The following SDHB variants were observed in gnomAD, a reference collection of about 807,000 sequenced individuals.
SDHB encodes the protein succinate dehydrogenase [ubiquinone] iron-sulfur subunit, mitochondrial.
A neutral mutation model predicts 39.7 loss-of-function variants in SDHB; 21 were observed. The ratio of observed to expected loss-of-function variants is 0.53; its 90% CI spans 0.37 to 0.76. The LOEUF is 0.76. Ranked by LOEUF, SDHB falls within the 30% of genes least tolerant of loss-of-function variation. The pLI is 0.00. For synonymous variants in SDHB, 118 were observed against 117.0 expected, an observed-to-expected ratio of 1.01 and a Z score of -0.06; for missense variants, 343 against 350.9, an observed-to-expected ratio of 0.98 and a Z score of 0.18.
intron 1 of SDHB, among the ~76,000 whole-genome samples, chr1:17,053,704 C>T (rs918825968): frequency 2.6e-5 from 4 of 151,822 alleles, no homozygotes; most frequent in African/African-American, 9.7e-5. Context: ...TGAACGTCCC[C>T]CCCCCCCGCA....
chr1:17,042,754 G>A (rs1276734114), intron 2 of SDHB, among the ~76,000 whole-genome samples: 5 of 147,830 alleles, frequency 3.4e-5, no homozygotes, highest in African/African-American at 1.2e-4. Flanking sequence ...CTGTAACCTG[G>A]GTGACAGCGA....
intron 2 of SDHB, among the ~76,000 whole-genome samples, chr1:17,044,130 C>T (rs950886610): frequency 2.0e-5 from 3 of 151,996 alleles, no homozygotes; most frequent in Non-Finnish European, 4.4e-5. Context: ...TCTGGCGGTT[C>T]TGTTATTATT....
rs1485822508 is a variant in SDHB, at chr1:17,042,959, T to TTTTG, written c.200+1801_200+1802insCAAA. ...TAGGGTTTTTTGTTTTATGAGTTTT[T>TTTTG]TTTTTTTTTTTTTTTTTTTTGAGAC... On this transcript the variant is annotated intron_variant, in intron 2 of 7. Transcript: ENST00000375499. Among the ~76,000 whole-genome samples, 17 of 116,438 alleles carry TTTTG rather than the reference T, an allele frequency of 1.5e-4. 2 individuals carry two copies. Among genetic ancestry groups the TTTTG allele is most frequent in the Non-Finnish European group, 3.1e-4 (17 of 54,364 alleles). The allele number at this position is 116,438 out of a possible 152,430, so 76.4% of individuals were successfully genotyped here. A position where few individuals can be genotyped will look rare whatever the true frequency, so the allele number is the denominator to read the frequency against.
rs114202688 is a variant in SDHB at position 17,026,559 on chromosome 1, T to C, written c.540+1190A>G. ...TTTGTATTTTCAGTAAAGATGGGGT[T>C]TTATCACGTTGGCCAGGCTGGTCTC... On this transcript the variant is annotated intron_variant, in intron 5 of 7. Coordinates refer to ENST00000375499, the MANE Select transcript of SDHB (RefSeq NM_003000.3). Among the ~76,000 whole-genome samples, 780 of 152,042 alleles carry C rather than the reference T, an allele frequency of 5.1e-3. 6 individuals are homozygous for C. The highest frequency in any genetic ancestry group is 0.018 in the African/African-American group (737 of 41,472).
chr1:17,028,812 C>T (rs1414009857), intron 3 of SDHB, 76 bp from the exon 4 acceptor site: 1 of 1,566,496 alleles, frequency 6.4e-7, no homozygotes, highest in African/African-American at 1.3e-5. Flanking sequence ...TCTTCTGGAT[C>T]CTCCTTGCTG....
chr1:17,047,994 C>T (rs2078123424), intron 1 of SDHB, among the ~76,000 whole-genome samples: 1 of 152,096 alleles, frequency 6.6e-6, no homozygotes, highest in African/African-American at 2.4e-5. Context: ...TACTCTTTAC[C>T]CAGTCTCCCC....
At chr1:17,042,935 A>C (rs968661824) in intron 2 of SDHB, among the ~76,000 whole-genome samples, 5 of 118,752 alleles carry the variant, frequency 4.2e-5, no homozygotes, top group African/African-American at 1.1e-4. Context: ...TCTAAGCAGT[A>C]GGGTTTTTTG....
chr1:17,030,146 G>A (rs553918746), intron 3 of SDHB, among the ~76,000 whole-genome samples: 244 of 152,158 alleles, frequency 1.6e-3, no homozygotes, highest in Non-Finnish European at 1.9e-3. Context: ...CAGAGATCGC[G>A]CCACTGCACT....
intron 1 of SDHB, among the ~76,000 whole-genome samples, chr1:17,053,224 T>A (rs549499187): frequency 6.6e-6 from 1 of 152,186 alleles, no homozygotes; most frequent in Admixed American, 6.5e-5. Context: ...GCACACGGCA[T>A]AGTAATAAAC....
intron 6 of SDHB, among the ~76,000 whole-genome samples, chr1:17,023,634 C>T (rs949053015): frequency 3.9e-5 from 6 of 152,210 alleles, no homozygotes; most frequent in African/African-American, 1.4e-4. Context: ...TTCTCCCCTG[C>T]TTGCTCGCTA....
intron 3 of SDHB, among the ~76,000 whole-genome samples, chr1:17,030,897 G>A (rs181751699): frequency 6.6e-6 from 1 of 151,656 alleles, no homozygotes; most frequent in African/African-American, 2.4e-5. Context: ...GGTCAGGCTG[G>A]TCTCGAACTC....
intron 2 of SDHB, among the ~76,000 whole-genome samples, chr1:17,035,731 G>A (rs796191537): frequency 2.5e-4 from 38 of 152,112 alleles, no homozygotes; most frequent in Non-Finnish European, 1.2e-4. Context: ...GTGGTTGCAC[G>A]TGCCTGTAGT....
chr1:17,046,094 A>G (rs1165782675), intron 1 of SDHB, among the ~76,000 whole-genome samples: 1 of 152,250 alleles, frequency 6.6e-6, no homozygotes, highest in Non-Finnish European at 1.5e-5. Context: ...AGCTGAAAAT[A>G]CAAACATCAG....
At chr1:17,050,786 T>G (rs2078142085) in intron 1 of SDHB, among the ~76,000 whole-genome samples, 1 of 152,242 alleles carries the variant, frequency 6.6e-6, no homozygotes, top group Non-Finnish European at 1.5e-5. Flanking sequence ...TTTGCTCATC[T>G]TGAGGTCTGT....
intron 1 of SDHB, among the ~76,000 whole-genome samples, chr1:17,050,528 G>A (rs2078140149): frequency 6.6e-6 from 1 of 151,948 alleles, no homozygotes; most frequent in South Asian, 2.1e-4. Context: ...GCGGGCACCT[G>A]TAATCTCAGC....
At chr1:17,049,737 C>T (rs1436841433) in intron 1 of SDHB, among the ~76,000 whole-genome samples, 2 of 132,558 alleles carry the variant, frequency 1.5e-5, no homozygotes, top group African/African-American at 5.6e-5. Context: ...TCTCTGCCTC[C>T]TGGGTTCAAG....
rs2078005212 is a variant in SDHB at position 17,028,709 on chromosome 1, A to C, written c.314T>G (p.Ile105Ser). Residue 105 changes from isoleucine to serine, a missense_variant, in exon 4 of 8, where the codon ATC becomes AGC. Transcript: ENST00000375499. ...GCAAGCTAGAGTGTTGCCTCCATTGATGTTCATTGCACAAGAGCCACAGAT... is the reference window on the plus strand; with the variant it reads ...GCAAGCTAGAGTGTTGCCTCCATTGCTGTTCATTGCACAAGAGCCACAGAT... The part of the protein sequence containing the change: ...EGICGSCAMN[I>S]NGGNTLACTR... 1 of 1,614,004 alleles carries C rather than the reference A, an allele frequency of 6.2e-7. No individual in the cohort carries two copies. Among genetic ancestry groups the C allele is most frequent in the South Asian group, 1.1e-5 (1 of 91,088 alleles).
At chr1:17,029,107 T>TG (rs1239266778) in intron 3 of SDHB, among the ~76,000 whole-genome samples, 11 of 142,468 alleles carry the variant, frequency 7.7e-5, no homozygotes, top group African/African-American at 1.0e-4. Flanking sequence ...TTTTTTTTTT[T>TG]TTTTTTTTTT....
rs1009940664 is a variant in SDHB, at chr1:17,045,077, A to G, written c.73-189T>C. On this transcript the variant is annotated intron_variant, in intron 1 of 7. Coordinates refer to ENST00000375499, the MANE Select transcript of SDHB (RefSeq NM_003000.3). The stretch of plus-strand genomic sequence containing the variant: ...CCTATCATATGCTAATATATCAGAC[A>G]TGGTATTAGGGGCTAGTGACACAGC... 4 of 600,532 alleles carry G rather than the reference A, an allele frequency of 6.7e-6. No homozygotes were observed. The African/African-American group carries it at 7.4e-5, about 11-fold the overall frequency. The allele number at this position is 600,532 out of a possible 1,614,324, so 37.2% of individuals were successfully genotyped here.
Sources: allele counts gnomAD v4.1 joint callset (sites outside exome capture counted in the v4.1 genomes callset), GRCh38; gene constraint gnomAD v4.1.1; transcripts MANE v1.5; gene names NCBI Gene and HGNC (gene_info 2026-07-23, HGNC 2026-07-21).